IQCK: variants seen among roughly 807,000 people sequenced by gnomAD.
IQCK encodes the protein IQ motif containing K.
IQCK carries 29 observed loss-of-function variants against 28.1 expected under a neutral mutation model. The ratio of observed to expected loss-of-function variants is 1.03; its 90% CI spans 0.77 to 1.41. The LOEUF is 1.41. IQCK is among the 40% of genes most tolerant of loss of function. The pLI is 0.00. For synonymous variants in IQCK, 113 were observed against 115.1 expected (o/e 0.98, Z 0.12); for missense variants, 359 against 314.7 (o/e 1.14, Z -1.07).
At chr16:19,735,860 C>T (rs1445541802) in intron 4 of IQCK, 1 of 337,890 alleles carries the variant, frequency 3.0e-6, no homozygotes, top group African/African-American at 2.2e-5. Context: ...GCCAGGAGCT[C>T]AAGACCACTG....
intron 7 of IQCK, among the ~76,000 whole-genome samples, chr16:19,826,266 T>C (rs1033618848): frequency 6.6e-6 from 1 of 152,112 alleles, no homozygotes; most frequent in African/African-American, 2.4e-5. Flanking sequence ...CCTTGGCCTC[T>C]CATAGTACTG....
At chr16:19,761,207 C>G in intron 4 of IQCK, 2 of 346,936 alleles carry the variant, frequency 5.8e-6, no homozygotes, top group South Asian at 2.2e-5. Context: ...TGGAGTTGCT[C>G]TGGTTCACGT....
chr16:19,849,229 A>G (rs2056450150), intron 9 of IQCK, among the ~76,000 whole-genome samples: 1 of 149,774 alleles, frequency 6.7e-6, no homozygotes, highest in Non-Finnish European at 1.5e-5. Flanking sequence ...AAAATTCAGC[A>G]GTTTCCTTTC....
intron 4 of IQCK, among the ~76,000 whole-genome samples, chr16:19,740,647 A>G (rs2054820061): frequency 6.6e-6 from 1 of 152,194 alleles, no homozygotes; most frequent in Admixed American, 6.5e-5. Flanking sequence ...TGAAATGAGC[A>G]CAGTGGAATA....
intron 7 of IQCK, among the ~76,000 whole-genome samples, chr16:19,816,255 T>C (rs2055987743): frequency 6.6e-6 from 1 of 152,152 alleles, no homozygotes; most frequent in African/African-American, 2.4e-5. Flanking sequence ...CTCCCTCCTC[T>C]TCTCTGCCTG....
At chr16:19,807,715 G>C (rs574610570) in intron 7 of IQCK, among the ~76,000 whole-genome samples, 9 of 152,274 alleles carry the variant, frequency 5.9e-5, no homozygotes, top group African/African-American at 2.2e-4. Context: ...GTGACCTTCA[G>C]TACATCACTT....
intron 1 of IQCK, among the ~76,000 whole-genome samples, chr16:19,728,244 C>G (rs1388147187): frequency 6.6e-6 from 1 of 151,974 alleles, no homozygotes; most frequent in African/African-American, 2.4e-5. Context: ...CCACAAGAAA[C>G]TAAAATTCTT....
At chr16:19,725,117 CT>C (rs1977614404) in intron 1 of IQCK, among the ~76,000 whole-genome samples, 1 of 152,154 alleles carries the variant, frequency 6.6e-6, no homozygotes. Flanking sequence ...TTAAATTCCC[CT>C]AATCAATTAA....
At chr16:19,846,564 C>CT in intron 9 of IQCK, among the ~76,000 whole-genome samples, 1 of 152,310 alleles carries the variant, frequency 6.6e-6, no homozygotes, top group South Asian at 2.1e-4. Flanking sequence ...ACTTTAGTAA[C>CT]TGTTTGGAAG....
At chr16:19,842,283 G>GA (rs2056370692) in intron 9 of IQCK, among the ~76,000 whole-genome samples, 1 of 152,158 alleles carries the variant, frequency 6.6e-6, no homozygotes, top group Non-Finnish European at 1.5e-5. Flanking sequence ...TATTGTAAGG[G>GA]AAATACTTTT....
intron 1 of IQCK, among the ~76,000 whole-genome samples, chr16:19,726,784 T>A (rs1977668812): frequency 6.6e-6 from 1 of 152,194 alleles, no homozygotes; most frequent in South Asian, 2.1e-4. Context: ...GGGGAAATAA[T>A]GGTGAGACAA....
At chr16:19,733,992 A>G in intron 3 of IQCK, 165 bp downstream of exon 3, 1 of 598,552 alleles carries the variant, frequency 1.7e-6, no homozygotes, top group South Asian at 2.6e-5. Context: ...TCACTGATTT[A>G]TCTTTAAGGT....
chr16:19,769,608 C>G (rs2055290652), intron 6 of IQCK, among the ~76,000 whole-genome samples: 1 of 152,190 alleles, frequency 6.6e-6, no homozygotes, highest in South Asian at 2.1e-4. Context: ...GAGATGGAAG[C>G]TACGGCTAGA....
chr16:19,806,591 G>A (rs1209838986), intron 7 of IQCK, among the ~76,000 whole-genome samples: 2 of 150,936 alleles, frequency 1.3e-5, no homozygotes, highest in South Asian at 4.2e-4. Context: ...TTGGGAACCC[G>A]AGGTGGAGGA....
chr16:19,750,885 C>T (rs1436436795), intron 4 of IQCK, among the ~76,000 whole-genome samples: 5 of 152,138 alleles, frequency 3.3e-5, no homozygotes, highest in Non-Finnish European at 7.3e-5. Context: ...AAAATGAGGA[C>T]AGTCTGCGAG....
chr16:19,847,122 C>G (rs2056423304), intron 9 of IQCK, among the ~76,000 whole-genome samples: 1 of 152,144 alleles, frequency 6.6e-6, no homozygotes, highest in African/African-American at 2.4e-5. Context: ...ATCTACCTCC[C>G]AGGGTGGTTG....
At chr16:19,724,740 G>C (rs1169205793) in intron 1 of IQCK, among the ~76,000 whole-genome samples, 1 of 152,060 alleles carries the variant, frequency 6.6e-6, no homozygotes, top group Non-Finnish European at 1.5e-5. Context: ...CACCATGTTA[G>C]CCAGGATGGT....
At chr16:19,736,206 A>G (rs1351570311) in intron 4 of IQCK, 8 of 453,488 alleles carry the variant, frequency 1.8e-5, no homozygotes, top group Non-Finnish European at 3.5e-5. Context: ...AGTGCTCAGT[A>G]AATAACATTA....
At chr16:19,820,354 T>G (rs2056053872) in intron 7 of IQCK, among the ~76,000 whole-genome samples, 1 of 151,906 alleles carries the variant, frequency 6.6e-6, no homozygotes, top group African/African-American at 2.4e-5. Context: ...CCATCTCTAC[T>G]AAAAACACAA....
Sources: allele counts gnomAD v4.1 joint callset (sites outside exome capture counted in the v4.1 genomes callset), GRCh38; gene constraint gnomAD v4.1.1; transcripts MANE v1.5; gene names NCBI Gene and HGNC (gene_info 2026-07-23, HGNC 2026-07-21).